Variants in DIAPH2 observed in about 807,000 individuals in gnomAD.
The protein encoded by DIAPH2 is protein diaphanous homolog 2.
A neutral mutation model predicts 92.7 loss-of-function variants in DIAPH2; 35 were observed. The ratio of observed to expected loss-of-function variants is 0.38; its 90% CI spans 0.29 to 0.50. The LOEUF (loss-of-function observed/expected upper bound fraction) is 0.50, where lower values mean the gene tolerates loss of function less well. Ranked by LOEUF, DIAPH2 falls within the 20% of genes least tolerant of loss-of-function variation. The pLI is 0.94. For synonymous variants in DIAPH2, 301 were observed against 280.4 expected, an observed-to-expected ratio of 1.07 and a Z score of -0.73; for missense variants, 701 against 819.5, an observed-to-expected ratio of 0.86 and a Z score of 1.77.
intron 19 of DIAPH2, among the ~76,000 whole-genome samples, chrX:97,089,616 A>G (rs2066808013): frequency 8.9e-6 from 1 of 111,993 alleles, no homozygotes; most frequent in Non-Finnish European, 1.9e-5. Context: ...TTTACATATG[A>G]TCTATCTCAT....
At chrX:96,875,758 A>G (rs1279605163) in intron 4 of DIAPH2, among the ~76,000 whole-genome samples, 6 of 111,040 alleles carry the variant, frequency 5.4e-5, no homozygotes, top group African/African-American at 1.6e-4. Flanking sequence ...TGTGTGGTTA[A>G]AAAAAATAAA....
At chrX:97,022,614 A>T (rs2066305550) in intron 17 of DIAPH2, among the ~76,000 whole-genome samples, 1 of 112,204 alleles carries the variant, frequency 8.9e-6, no homozygotes, top group Non-Finnish European at 1.9e-5. Context: ...AAAATCTGGA[A>T]ATATCATTGG....
chrX:97,378,731 C>T (rs2069525561), intron 24 of DIAPH2, among the ~76,000 whole-genome samples: 1 of 111,367 alleles, frequency 9.0e-6, no homozygotes, highest in Non-Finnish European at 1.9e-5. Context: ...TGTGGAATTT[C>T]CCCTATTTTG....
chrX:96,853,364 A>T (rs942156363), intron 4 of DIAPH2, among the ~76,000 whole-genome samples: 1 of 111,760 alleles, frequency 8.9e-6, no homozygotes, highest in African/African-American at 3.2e-5. Context: ...AGCAGTTATT[A>T]TTTTTGTACA....
intron 23 of DIAPH2, among the ~76,000 whole-genome samples, chrX:97,344,759 C>T (rs925834430): frequency 1.8e-5 from 2 of 112,240 alleles, no homozygotes; most frequent in Non-Finnish European, 3.8e-5. Context: ...TTATGAAATT[C>T]GGTATCACTA....
chrX:97,569,156 C>G (rs1006911364), intron 26 of DIAPH2, among the ~76,000 whole-genome samples: 2 of 111,408 alleles, frequency 1.8e-5, no homozygotes, highest in Non-Finnish European at 3.8e-5. Flanking sequence ...AAACACATAC[C>G]ATATATAAAT....
intron 22 of DIAPH2, among the ~76,000 whole-genome samples, chrX:97,147,969 G>T (rs921688571): frequency 3.6e-5 from 4 of 110,807 alleles, no homozygotes; most frequent in African/African-American, 1.3e-4. Flanking sequence ...TTATATAAAA[G>T]AAAAAAGTAA....
chrX:97,539,895 C>T (rs1460337680), intron 26 of DIAPH2, among the ~76,000 whole-genome samples: 2 of 111,686 alleles, frequency 1.8e-5, no homozygotes, highest in Admixed American at 9.5e-5. Context: ...CTGTCCCCAC[C>T]ATGTTATAAG....
intron 26 of DIAPH2, among the ~76,000 whole-genome samples, chrX:97,569,423 ATG>A (rs1165001443): frequency 3.6e-5 from 4 of 112,069 alleles, no homozygotes; most frequent in Admixed American, 9.5e-5. Flanking sequence ...ATATATATGC[ATG>A]TGTGTATATG....
chrX:97,595,113 C>T (rs1390291625), intron 26 of DIAPH2, among the ~76,000 whole-genome samples: 1 of 112,058 alleles, frequency 8.9e-6, no homozygotes, highest in African/African-American at 3.2e-5. Context: ...TAAGCTTTAT[C>T]TGTATTGTGC....
intron 26 of DIAPH2, among the ~76,000 whole-genome samples, chrX:97,451,693 G>A (rs2070360094): frequency 9.0e-6 from 1 of 111,452 alleles, no homozygotes; most frequent in South Asian, 3.7e-4. Context: ...TGAACTTACA[G>A]TTGCATTGCC....
At chrX:96,894,173 G>C (rs749905301) in intron 5 of DIAPH2, among the ~76,000 whole-genome samples, 16 of 111,332 alleles carry the variant, frequency 1.4e-4, no homozygotes, top group Non-Finnish European at 2.5e-4. Flanking sequence ...CAGTTCTGCA[G>C]CATCCAGTGT....
intron 22 of DIAPH2, among the ~76,000 whole-genome samples, chrX:97,150,485 A>G (rs1404825883): frequency 1.8e-5 from 2 of 111,450 alleles, no homozygotes; most frequent in Admixed American, 1.9e-4. Context: ...AGGGAACTGT[A>G]TAATAGCTCA....
chrX:97,509,851 T>C (rs780962199), intron 26 of DIAPH2, among the ~76,000 whole-genome samples: 229 of 110,944 alleles, frequency 2.1e-3, no homozygotes, highest in African/African-American at 7.0e-3. Flanking sequence ...TCATTTTTTA[T>C]GGCTGCATAG....
intron 21 of DIAPH2, among the ~76,000 whole-genome samples, chrX:97,129,416 C>T (rs936150257): frequency 2.7e-5 from 3 of 110,242 alleles, no homozygotes; most frequent in Admixed American, 9.8e-5. Context: ...CCACCCACCT[C>T]GGCCTCCCAG....
intron 26 of DIAPH2, among the ~76,000 whole-genome samples, chrX:97,434,696 T>C (rs1025514331): frequency 9.0e-6 from 1 of 110,906 alleles, no homozygotes; most frequent in African/African-American, 3.3e-5. Flanking sequence ...AGGTGTGAGC[T>C]ACCGCACCCA....
chrX:96,906,624 A>G (rs891788510), intron 5 of DIAPH2, among the ~76,000 whole-genome samples: 2 of 112,093 alleles, frequency 1.8e-5, no homozygotes, highest in Non-Finnish European at 3.8e-5. Context: ...CAAAAGTAAC[A>G]CAACTAGAAT....
chrX:96,963,795 C>T (rs1474635120), intron 16 of DIAPH2, among the ~76,000 whole-genome samples: 1 of 111,041 alleles, frequency 9.0e-6, no homozygotes, highest in Middle Eastern at 4.2e-3. Context: ...ATATGAGTGC[C>T]ACCTGCCTCC....
chrX:97,012,680 G>A (rs1186642329), intron 17 of DIAPH2, among the ~76,000 whole-genome samples: 7 of 111,587 alleles, frequency 6.3e-5, no homozygotes, highest in Non-Finnish European at 1.9e-5. Context: ...TACTACCTCT[G>A]TGCATTTAAT....
Sources: allele counts gnomAD v4.1 joint callset (sites outside exome capture counted in the v4.1 genomes callset), GRCh38; gene constraint gnomAD v4.1.1; transcripts MANE v1.5; gene names NCBI Gene and HGNC (gene_info 2026-07-23, HGNC 2026-07-21).